The following A2ML1 variants were observed in gnomAD, a reference collection of about 807,000 sequenced individuals.
A2ML1 encodes alpha-2-macroglobulin like 1.
A2ML1 carries 161 observed loss-of-function variants against 181.9 expected under a neutral mutation model. The observed-to-expected ratio is 0.89, with a 90% CI of 0.78 to 1.01. The LOEUF (loss-of-function observed/expected upper bound fraction) is 1.01. A2ML1 is among the 50% of genes least tolerant of loss of function. The pLI is 0.00. For missense variants in A2ML1, 1,670 were observed against 1,768.1 expected (o/e 0.94, Z 1.00); for synonymous variants, 663 against 666.8 (o/e 0.99, Z 0.09).
Position 8,823,514 on chromosome 12 carries a change from A to G in A2ML1, c.246+149A>G, listed in dbSNP as rs141691361. ...CTCAACTTAACCTCAATCCCCGGCTATAACTCACCCACGGTTTCCTCGACC... is the reference window on the plus strand; with the variant it reads ...CTCAACTTAACCTCAATCCCCGGCTGTAACTCACCCACGGTTTCCTCGACC... On this transcript the variant is annotated intron_variant, in intron 2 of 35. Transcript: ENST00000299698. 1,291 of 1,082,274 alleles carry G rather than the reference A, an allele frequency of 1.2e-3. 12 individuals carry two copies. The African/African-American group carries it at 0.018, about 16-fold the overall frequency. The allele number at this position is 1,082,274 out of a possible 1,614,324, so 67.0% of individuals were successfully genotyped here.
Position 8,841,548 on chromosome 12 carries a change from C to G in A2ML1, c.1248+12C>G, listed in dbSNP as rs370769861. The G allele has an allele frequency of 2.5e-6, 4 of 1,599,784 alleles. No homozygotes were observed. Among genetic ancestry groups the G allele is most frequent in the Non-Finnish European group, 3.4e-6 (4 of 1,173,234 alleles). ...ACGTTTCTCTGGAGGTAAGCATGGA[C>G]GGAGGACCAGCTTCCTAGAAAGGAA... On this transcript the variant is annotated intron_variant, in intron 11 of 35. Coordinates refer to ENST00000299698, the MANE Select transcript of A2ML1 (RefSeq NM_144670.6).
At position 8,854,565 on chromosome 12, in the gene A2ML1, T is replaced by G. The variant is rs4503592; in HGVS notation, c.2713-215T>G. ...GCCTCTTAGAAGTTGCCTAAATGTG[T>G]CTTTGGCTCTAGCACTTGCCCAGAA... On this transcript the variant is annotated intron_variant, in intron 21 of 35. Transcript: ENST00000299698. 0.15 allele frequency among the ~76,000 whole-genome samples: 23,056 copies of G among 152,144 alleles called. 2,494 individuals are homozygous for G. The highest frequency in any genetic ancestry group is 0.5 in the East Asian group (2,586 of 5,138).
At chr12:8,841,672 AC>A (rs1304830199) in intron 11 of A2ML1, 136 bp downstream of exon 11, 1 of 894,724 alleles carries the variant, frequency 1.1e-6, no homozygotes, top group African/African-American at 1.7e-5. Context: ...TCTCCCGTTG[AC>A]AAAAAGTTTT....
chr12:8,834,358 A>G (rs1943206394), intron 4 of A2ML1, among the ~76,000 whole-genome samples: 1 of 152,158 alleles, frequency 6.6e-6, no homozygotes, highest in African/African-American at 2.4e-5. Context: ...TTCTTGTGCA[A>G]GAGCTCAGTC....
intron 32 of A2ML1, among the ~76,000 whole-genome samples, 156 bp from the exon 33 acceptor site, chr12:8,868,979 G>A (rs1480602532): frequency 6.6e-6 from 1 of 152,106 alleles, no homozygotes; most frequent in African/African-American, 2.4e-5. Context: ...CAAGGTTGTA[G>A]CAGATATATG....
At position 8,851,742 on chromosome 12, in the gene A2ML1, C is replaced by T. The variant is rs1052445826; in HGVS notation, c.2235-42C>T. Reference sequence around the variant, plus strand: ...TTAATTCACAAATGTTCTCCTTGCCCCACGCTACCTCTGCCTCATGTTGGT... The same window carrying T: ...TTAATTCACAAATGTTCTCCTTGCCTCACGCTACCTCTGCCTCATGTTGGT... On this transcript the variant is annotated intron_variant, in intron 18 of 35. Transcript: ENST00000299698. The T allele has an allele frequency of 5.6e-6, 9 of 1,593,554 alleles. No homozygotes were observed. The African/African-American group carries it at 1.1e-4, about 19-fold the overall frequency.
intron 26 of A2ML1, among the ~76,000 whole-genome samples, chr12:8,858,518 C>G (rs920351681): frequency 6.6e-6 from 1 of 152,040 alleles, no homozygotes; most frequent in Non-Finnish European, 1.5e-5. Context: ...CCCAGGAGGT[C>G]AAGCCTGCAG....
intron 25 of A2ML1, 134 bp from the exon 26 acceptor site, chr12:8,857,812 C>T (rs1026175064): frequency 3.7e-6 from 5 of 1,341,382 alleles, no homozygotes; most frequent in South Asian, 2.7e-5. Context: ...TAATGCCTCT[C>T]TTTTCTAGGC....
At chr12:8,837,378 G>T (rs1470482376) in intron 7 of A2ML1, 62 bp from the exon 8 acceptor site, 1 of 1,595,242 alleles carries the variant, frequency 6.3e-7, no homozygotes, top group South Asian at 1.1e-5. Context: ...TGGTGTTTGA[G>T]GGAAGAGTTG....
chr12:8,833,751 T>C (rs1357902114), intron 4 of A2ML1, among the ~76,000 whole-genome samples: 1 of 152,166 alleles, frequency 6.6e-6, no homozygotes, highest in Admixed American at 6.6e-5. Flanking sequence ...TTTATAGCAA[T>C]CTTAGTGATA....
intron 4 of A2ML1, among the ~76,000 whole-genome samples, chr12:8,834,287 A>G (rs144908904): frequency 5.3e-5 from 8 of 152,356 alleles, no homozygotes; most frequent in Non-Finnish European, 1.2e-4. Context: ...ATGGTTGGCT[A>G]CCAAGAAGAG....
At chr12:8,830,540 G>A (rs1174645211) in intron 4 of A2ML1, 1 of 152,098 alleles carries the variant, frequency 6.6e-6, no homozygotes, top group Non-Finnish European at 1.5e-5. Flanking sequence ...TTAAAATGTA[G>A]CAACATTTTG....
chr12:8,841,647 ACT>A (rs1481176771), intron 11 of A2ML1, 111 bp downstream of exon 11: 2 of 1,137,018 alleles, frequency 1.8e-6, no homozygotes, highest in African/African-American at 3.1e-5. Context: ...CATCTTTCTC[ACT>A]CACAAGTCCT....
rs1417574537 is a variant in A2ML1 at position 8,857,927 on chromosome 12, T to C, written c.3108-19T>C. The C allele has an allele frequency of 6.2e-7, 1 of 1,611,044 alleles. No individual in the cohort carries two copies. The highest frequency in any genetic ancestry group is 8.5e-7 in the Non-Finnish European group (1 of 1,178,306). ...TGGAAATTCCTCTTCATGCCATATT[T>C]TCCTCTTTACCCATGTAGGCTGACA... On this transcript the variant is annotated intron_variant, in intron 25 of 35. Coordinates refer to ENST00000299698, the MANE Select transcript of A2ML1 (RefSeq NM_144670.6).
At chr12:8,834,797 C>G (rs1175939964) in intron 5 of A2ML1, 115 bp downstream of exon 5, 15 of 1,344,156 alleles carry the variant, frequency 1.1e-5, no homozygotes, top group Non-Finnish European at 1.6e-5. Flanking sequence ...AGCCCCATGA[C>G]TCTGCCCAGC....
intron 10 of A2ML1, 39 bp from the exon 11 acceptor site, chr12:8,841,330 C>G: frequency 6.3e-7 from 1 of 1,592,876 alleles, no homozygotes; most frequent in Non-Finnish European, 8.6e-7. Flanking sequence ...AAGCTTACTC[C>G]AAACCTAATT....
At position 8,867,932 on chromosome 12, in the gene A2ML1, G is replaced by A. The variant is rs2136957501; in HGVS notation, c.3808G>A (p.Glu1270Lys). The change falls in exon 30 of 36, where the codon GAG becomes AAG. Residue 1270 changes from glutamate (E) to lysine (K), a missense_variant. Glu to Lys is a moderately conservative substitution (Grantham distance 56). Coordinates refer to ENST00000299698, the MANE Select transcript of A2ML1 (RefSeq NM_144670.6). Reference sequence around the variant, plus strand: ...GATCAACCTGGTTGTAAAATCCACTGAGAATTTCCAGCGCACATTCAACAT... The same window carrying A: ...GATCAACCTGGTTGTAAAATCCACTAAGAATTTCCAGCGCACATTCAACAT... ...EEINLVVKST[E>K]NFQRTFNIQS... 1 of 1,614,204 alleles carries A rather than the reference G, an allele frequency of 6.2e-7. No individual in the cohort carries two copies.
chr12:8,833,812 C>T (rs1306193407), intron 4 of A2ML1, among the ~76,000 whole-genome samples: 3 of 152,148 alleles, frequency 2.0e-5, no homozygotes, highest in East Asian at 3.9e-4. Context: ...CCTAGCTCAT[C>T]GTGATCCTTA....
At chr12:8,871,980 C>T (rs1944639640) in intron 33 of A2ML1, among the ~76,000 whole-genome samples, 1 of 151,622 alleles carries the variant, frequency 6.6e-6, no homozygotes, top group African/African-American at 2.4e-5. Flanking sequence ...GAGATCAAGA[C>T]CATCCTGGCT....
Sources: gnomAD v4.1 joint callset for allele counts (sites outside exome capture counted in the v4.1 genomes callset) on GRCh38, gnomAD v4.1.1 for gene constraint, MANE v1.5 for transcripts, NCBI Gene and HGNC (gene_info 2026-07-23, HGNC 2026-07-21) for gene names.